The following CNTN3 variants were observed in gnomAD, a reference collection of about 807,000 sequenced individuals.
CNTN3 encodes contactin-3.
CNTN3 carries 60 observed loss-of-function variants against 119.1 expected under a neutral mutation model. The ratio of observed to expected loss-of-function variants is 0.50; its 90% CI spans 0.41 to 0.62. The LOEUF (loss-of-function observed/expected upper bound fraction) is 0.62, where lower values mean the gene tolerates loss of function less well. Ranked by LOEUF, CNTN3 falls within the 20% of genes least tolerant of loss-of-function variation. The probability of loss-of-function intolerance (pLI) is 0.00; values close to 1 mark genes in which losing one functional copy is unlikely to be tolerated. For synonymous variants in CNTN3, 450 were observed against 438.7 expected, an observed-to-expected ratio of 1.03 and a Z score of -0.32; for missense variants, 1,101 against 1,242.4, an observed-to-expected ratio of 0.89 and a Z score of 1.71.
chr3:74,396,051 T>A (rs571321662), intron 5 of CNTN3, among the ~76,000 whole-genome samples: 2 of 152,208 alleles, frequency 1.3e-5, no homozygotes, highest in Admixed American at 1.3e-4. Flanking sequence ...CTAACTGGTG[T>A]TTCCCCTGTC....
At chr3:74,306,085 AG>A (rs1415140954) in intron 13 of CNTN3, among the ~76,000 whole-genome samples, 6 of 151,962 alleles carry the variant, frequency 3.9e-5, no homozygotes, top group Admixed American at 2.6e-4. Flanking sequence ...AAGAAAAAAA[AG>A]GTAAAAGAAA....
intron 4 of CNTN3, among the ~76,000 whole-genome samples, chr3:74,431,043 C>T (rs911253521): frequency 1.3e-5 from 2 of 152,100 alleles, no homozygotes; most frequent in African/African-American, 2.4e-5. Flanking sequence ...GGGAAGAACA[C>T]TCCTTCTTGT....
At chr3:74,597,850 T>C (rs1286798492) in intron 1 of CNTN3, among the ~76,000 whole-genome samples, 1 of 152,066 alleles carries the variant, frequency 6.6e-6, no homozygotes, top group African/African-American at 2.4e-5. Context: ...AAAAGTCAGC[T>C]AGGAGCTGAA....
intron 4 of CNTN3, among the ~76,000 whole-genome samples, chr3:74,475,760 T>C (rs1458836522): frequency 6.6e-6 from 1 of 152,112 alleles, no homozygotes; most frequent in Non-Finnish European, 1.5e-5. Flanking sequence ...CTCACTAAAA[T>C]TTATTTGTGA....
intron 4 of CNTN3, among the ~76,000 whole-genome samples, chr3:74,477,108 C>T (rs77560169): frequency 6.9e-4 from 105 of 152,174 alleles, no homozygotes; most frequent in African/African-American, 2.4e-3. Flanking sequence ...AAATGATAAT[C>T]GCATGCATTA....
intron 13 of CNTN3, among the ~76,000 whole-genome samples, chr3:74,325,422 A>C (rs1489456426): frequency 3.3e-5 from 5 of 152,138 alleles, no homozygotes; most frequent in African/African-American, 1.2e-4. Context: ...CTAATAAGCA[A>C]ATGGAGAGAT....
intron 1 of CNTN3, 32 bp from the exon 2 acceptor site, chr3:74,521,224 A>C (rs1205837919): frequency 9.4e-6 from 2 of 212,220 alleles, no homozygotes; most frequent in Non-Finnish European, 8.4e-6. Flanking sequence ...AAGTTCGTTA[A>C]AAAAAAAAAA....
intron 2 of CNTN3, among the ~76,000 whole-genome samples, chr3:74,511,609 T>C (rs1268452173): frequency 6.6e-6 from 1 of 152,042 alleles, no homozygotes; most frequent in Non-Finnish European, 1.5e-5. Flanking sequence ...TTCAAGGTTA[T>C]AGTGAACTAT....
intron 2 of CNTN3, among the ~76,000 whole-genome samples, chr3:74,517,132 C>A (rs773004997): frequency 6.6e-6 from 1 of 151,872 alleles, no homozygotes; most frequent in Admixed American, 6.6e-5. Flanking sequence ...GAGCCAGAAT[C>A]CATCTAGGAG....
intron 13 of CNTN3, among the ~76,000 whole-genome samples, chr3:74,319,947 G>A (rs966193349): frequency 1.3e-5 from 2 of 152,138 alleles, no homozygotes; most frequent in African/African-American, 2.4e-5. Flanking sequence ...TCGGAGAAAT[G>A]CAAATCAATA....
intron 3 of CNTN3, among the ~76,000 whole-genome samples, chr3:74,487,070 C>T (rs371391964): frequency 1.3e-5 from 2 of 152,150 alleles, no homozygotes; most frequent in East Asian, 3.9e-4. Context: ...TGGGTAAGTG[C>T]TCAACTATCC....
intron 4 of CNTN3, among the ~76,000 whole-genome samples, chr3:74,470,830 T>G (rs1702546888): frequency 6.6e-6 from 1 of 152,006 alleles, no homozygotes; most frequent in Admixed American, 6.6e-5. Context: ...TCCATCCAAC[T>G]CAATGAGAAA....
chr3:74,344,348 A>G (rs1559556014), intron 11 of CNTN3, among the ~76,000 whole-genome samples: 1 of 145,778 alleles, frequency 6.9e-6, no homozygotes, highest in Non-Finnish European at 1.5e-5. Context: ...ATCCGCTTTT[A>G]TTAATATCCA....
At chr3:74,411,158 CA>C (rs1701432180) in intron 5 of CNTN3, among the ~76,000 whole-genome samples, 1 of 151,776 alleles carries the variant, frequency 6.6e-6, no homozygotes, top group Non-Finnish European at 1.5e-5. Context: ...TATAATTGGT[CA>C]GCCCAGTGTC....
chr3:74,404,661 A>G (rs1248075791), intron 5 of CNTN3, among the ~76,000 whole-genome samples: 1 of 151,998 alleles, frequency 6.6e-6, no homozygotes, highest in Non-Finnish European at 1.5e-5. Flanking sequence ...ACACCATATG[A>G]CATTGCTTAA....
At chr3:74,589,793 T>C (rs1704667182) in intron 1 of CNTN3, among the ~76,000 whole-genome samples, 1 of 151,690 alleles carries the variant, frequency 6.6e-6, no homozygotes, top group Admixed American at 6.6e-5. Flanking sequence ...AATGATGAGT[T>C]CATGTCCTTT....
intron 5 of CNTN3, among the ~76,000 whole-genome samples, chr3:74,404,764 T>G (rs879456547): frequency 2.6e-5 from 4 of 151,654 alleles, no homozygotes; most frequent in Non-Finnish European, 4.4e-5. Flanking sequence ...ATGCCCACCA[T>G]GATACTGCTG....
In CNTN3 at chr3:74,300,116, G is replaced by A. The variant is rs537571421; in HGVS notation, c.2096-178C>T. ...TATATGCATTTATATATTTTTATGA[G>A]ATCATCAAACAACATATTTACATGA... is the stretch of plus-strand genomic sequence containing the variant. On this transcript the variant is annotated intron_variant, in intron 16 of 22. Coordinates refer to ENST00000263665, the MANE Select transcript of CNTN3 (RefSeq NM_020872.3). Among the ~76,000 whole-genome samples, 14 of 151,982 alleles carry A rather than the reference G, an allele frequency of 9.2e-5. No homozygotes were observed. The South Asian group carries it at 2.9e-3, about 32-fold the overall frequency.
At chr3:74,288,161 T>C (rs1425212908) in intron 19 of CNTN3, among the ~76,000 whole-genome samples, 7 of 139,448 alleles carry the variant, frequency 5.0e-5, no homozygotes, top group Non-Finnish European at 9.2e-5. Flanking sequence ...TTTCTTTTCT[T>C]TTTTTTTTTT....
Sources: gnomAD v4.1 joint callset for allele counts (sites outside exome capture counted in the v4.1 genomes callset) on GRCh38, gnomAD v4.1.1 for gene constraint, MANE v1.5 for transcripts, NCBI Gene and HGNC (gene_info 2026-07-23, HGNC 2026-07-21) for gene names.